The following TACC1 variants were observed in gnomAD, a reference collection of about 807,000 sequenced individuals.
TACC1 encodes transforming acidic coiled-coil containing protein 1.
A neutral mutation model predicts 84.4 loss-of-function variants in TACC1; 48 were observed. That is an observed-to-expected ratio of 0.57 (90% confidence interval 0.45 to 0.72). The LOEUF (loss-of-function observed/expected upper bound fraction) is 0.72. Ranked by LOEUF, TACC1 falls within the 30% of genes least tolerant of loss-of-function variation. TACC1 has a pLI of 0.00. For synonymous variants in TACC1, 372 were observed against 376.3 expected (o/e 0.99, Z 0.13); for missense variants, 920 against 973.0 (o/e 0.95, Z 0.72).
chr8:38,839,060 A>G (rs966353815), intron 8 of TACC1, among the ~76,000 whole-genome samples: 2 of 151,938 alleles, frequency 1.3e-5, no homozygotes, highest in African/African-American at 4.8e-5. Flanking sequence ...CCATGCCTGC[A>G]TAATTTTTTT....
intron 1 of TACC1, among the ~76,000 whole-genome samples, chr8:38,740,785 G>C (rs2151671510): frequency 6.6e-6 from 1 of 152,326 alleles, no homozygotes; most frequent in South Asian, 2.1e-4. Context: ...TGCAGGCACA[G>C]AGTCATTTTA....
chr8:38,783,072 ATCTATCTATCTATC>A (rs1816359041), upstream of TACC1, among the ~76,000 whole-genome samples: 1 of 78,444 alleles, frequency 1.3e-5, no homozygotes, highest in African/African-American at 5.6e-5. Flanking sequence ...GTAAATATCT[ATCTATCTATCTATC>A]TATCTATCTA....
Position 38,845,050 on chromosome 8 carries a change from G to T in TACC1, c.2229-1649G>T, listed in dbSNP as rs112749143. 1,489 of 152,230 alleles carry T rather than the reference G, an allele frequency of 9.8e-3. 13 individuals are homozygous for T. Among genetic ancestry groups the T allele is most frequent in the Non-Finnish European group, 0.015 (1,043 of 68,088 alleles). The allele number at this position is 152,230 out of a possible 1,614,324, so 9.4% of individuals were successfully genotyped here. ...AGTGACTCTCCTGCTTCAGCCTTCC[G>T]AGCAGCTGGGATTACAGGCACCCGC... On this transcript the variant is annotated intron_variant, in intron 11 of 12. Transcript: ENST00000317827.
intron 3 of TACC1, among the ~76,000 whole-genome samples, chr8:38,773,008 C>T (rs1030707396): frequency 6.6e-6 from 1 of 152,014 alleles, no homozygotes; most frequent in Non-Finnish European, 1.5e-5. Context: ...AAGTACTCAC[C>T]TCTAGCAAAA....
At chr8:38,734,050 A>T (rs529226432) in intron 1 of TACC1, among the ~76,000 whole-genome samples, 2 of 152,256 alleles carry the variant, frequency 1.3e-5, no homozygotes, top group South Asian at 4.1e-4. Flanking sequence ...GAACTGGGGA[A>T]AGGAAGGGAA....
intron 1 of TACC1, among the ~76,000 whole-genome samples, chr8:38,729,851 C>T (rs761997603): frequency 6.6e-6 from 1 of 152,064 alleles, no homozygotes; most frequent in Non-Finnish European, 1.5e-5. Context: ...TCTGGGCAAC[C>T]GAGCAAGACT....
At chr8:38,766,674 C>T (rs1812315505) in intron 3 of TACC1, among the ~76,000 whole-genome samples, 1 of 152,192 alleles carries the variant, frequency 6.6e-6, no homozygotes, top group Non-Finnish European at 1.5e-5. Context: ...CTGTCAGAGA[C>T]CCTGAAATCT....
chr8:38,773,187 G>A (rs903426162), intron 3 of TACC1, among the ~76,000 whole-genome samples: 5 of 151,852 alleles, frequency 3.3e-5, no homozygotes, highest in South Asian at 4.2e-4. Context: ...TTAGCCTGGC[G>A]TGGTGGCGGG....
intron 2 of TACC1, among the ~76,000 whole-genome samples, chr8:38,793,855 G>A (rs1183754596): frequency 6.6e-6 from 1 of 152,160 alleles, no homozygotes; most frequent in African/African-American, 2.4e-5. Flanking sequence ...GAGACCAAAT[G>A]TCTGGCAAAA....
rs1181975648 is a variant in TACC1 at position 38,820,436 on chromosome 8, G to C, written c.1192G>C (p.Gly398Arg). 4 of 1,614,018 alleles carry C rather than the reference G, an allele frequency of 2.5e-6. No individual in the cohort carries two copies. The Admixed American group carries it at 5.0e-5, about 20-fold the overall frequency. Residue 398 changes from glycine to arginine, a missense_variant, in exon 3 of 13, where the codon GGG (glycine) becomes CGG (arginine). Transcript: ENST00000317827. ...GGAAAGCCCCAGCTTCAACCCCTTT[G>C]GGAGCCACTCTGTTCTGCAGAACTC... Reference protein sequence around the residue: ...QWESPSFNPFGSHSVLQNSPP... With the variant: ...QWESPSFNPFRSHSVLQNSPP...
exon 3 of TACC1, chr8:38,745,134 A>C (rs969275594): frequency 4.5e-6 from 1 of 220,416 alleles, no homozygotes; most frequent in Non-Finnish European, 8.8e-6. Context: ...GAAAAGCAAG[A>C]GTCAAAGAAG....
At chr8:38,769,530 T>C (rs1444074596) in intron 3 of TACC1, among the ~76,000 whole-genome samples, 35 of 127,834 alleles carry the variant, frequency 2.7e-4, no homozygotes, top group Middle Eastern at 5.5e-3. Flanking sequence ...TATGTATATG[T>C]GAGACTGTGT....
chr8:38,764,937 A>T (rs954658761), intron 3 of TACC1, among the ~76,000 whole-genome samples: 1 of 152,122 alleles, frequency 6.6e-6, no homozygotes, highest in Non-Finnish European at 1.5e-5. Flanking sequence ...TGTCTGTACT[A>T]AAAATACAAA....
intron 1 of TACC1, among the ~76,000 whole-genome samples, chr8:38,730,418 A>G (rs1244232635): frequency 3.3e-5 from 5 of 152,270 alleles, no homozygotes; most frequent in Non-Finnish European, 5.9e-5. Context: ...TATGAACTAC[A>G]TGATCAATAA....
intron 3 of TACC1, among the ~76,000 whole-genome samples, chr8:38,766,471 T>C (rs191432690): frequency 6.6e-6 from 1 of 152,356 alleles, no homozygotes; most frequent in Non-Finnish European, 1.5e-5. Flanking sequence ...TCTTATACTC[T>C]GCATGTTCTC....
chr8:38,799,236 C>T (rs995526576), intron 2 of TACC1, among the ~76,000 whole-genome samples: 1 of 152,230 alleles, frequency 6.6e-6, no homozygotes, highest in Non-Finnish European at 1.5e-5. Context: ...AAGCCATCCC[C>T]CAGCCGTTAG....
At chr8:38,774,906 G>A (rs952994156) in intron 3 of TACC1, among the ~76,000 whole-genome samples, 2 of 151,340 alleles carry the variant, frequency 1.3e-5, no homozygotes, top group African/African-American at 4.9e-5. Flanking sequence ...AGCTACTCGG[G>A]AGGCTGAAGC....
In TACC1 at chr8:38,836,268, T is replaced by C; in HGVS notation, c.1820T>C (p.Leu607Pro). The change falls in exon 7 of 13, where the codon CTC becomes CCC. Residue 607 changes from leucine (L) to proline (P), a missense_variant. By Grantham distance (98) the Leu-to-Pro change is moderately conservative. Coordinates refer to ENST00000317827, the MANE Select transcript of TACC1 (RefSeq NM_006283.3). ...AGCGAATCAGACAAGACAGCCGTGC[T>C]CACCTTAATAAGAGAAGAGGTAAAA... ...CLSESDKTAV[L>P]TLIREEIITK... is the part of the protein sequence containing the mutation. The C allele has an allele frequency of 6.2e-7, 1 of 1,610,794 alleles. No individual in the cohort carries two copies. The highest frequency in any genetic ancestry group is 8.5e-7 in the Non-Finnish European group (1 of 1,179,706).
At chr8:38,837,900 G>C (rs1040973692) in intron 7 of TACC1, among the ~76,000 whole-genome samples, 1 of 152,200 alleles carries the variant, frequency 6.6e-6, no homozygotes, top group African/African-American at 2.4e-5. Context: ...TAGGTTCCAG[G>C]CTAACTAGCA....
Sources: gnomAD v4.1 joint callset for allele counts (sites outside exome capture counted in the v4.1 genomes callset) on GRCh38, gnomAD v4.1.1 for gene constraint, MANE v1.5 for transcripts, NCBI Gene and HGNC (gene_info 2026-07-23, HGNC 2026-07-21) for gene names.